Variants in KIFC3 observed in about 807,000 individuals in gnomAD.
The protein encoded by KIFC3 is kinesin-like protein KIFC3.
KIFC3 carries 60 observed loss-of-function variants against 101.8 expected under a neutral mutation model. The ratio of observed to expected loss-of-function variants is 0.59; its 90% CI spans 0.48 to 0.73. KIFC3 has a LOEUF of 0.73. Among genes scored for constraint, KIFC3 ranks in the 30% least tolerant of loss-of-function variants. The pLI, the probability that KIFC3 is intolerant of heterozygous loss-of-function variation, is 0.00. For missense variants in KIFC3, 966 were observed against 1,137.1 expected, an observed-to-expected ratio of 0.85 and a Z score of 2.16; for synonymous variants, 476 against 482.7, an observed-to-expected ratio of 0.99 and a Z score of 0.18.
In KIFC3 at chr16:57,771,593, C is replaced by A. The variant is rs2051217745; in HGVS notation, c.475G>T (p.Glu159Ter). The A allele has an allele frequency of 6.2e-7, 1 of 1,613,418 alleles. No individual in the cohort carries two copies. Among genetic ancestry groups the A allele is most frequent in the South Asian group, 1.1e-5 (1 of 91,092 alleles). ...GGACCTGCTGGCTTTGTGCGCAGCT[C>A]TTGCAGCTCGGCCTCACAGCGCCGC... Reference protein sequence around the residue: ...EMRRCEAELQELRTKPAGPCP... With the variant: ...EMRRCEAELQ The change falls in exon 5 of 20, where the codon GAG becomes TAG. Residue 159 changes from glutamate (E) to a stop codon, truncating the protein, a stop_gained. Coordinates refer to ENST00000445690, the MANE Select transcript of KIFC3 (RefSeq NM_001130100.2). LOFTEE classifies it high-confidence loss of function.
Position 57,760,734 on chromosome 16 carries a change from C to A in KIFC3, c.2224G>T (p.Val742Leu). The A allele has an allele frequency of 2.5e-6, 4 of 1,613,498 alleles. No homozygotes were observed. Among genetic ancestry groups the A allele is most frequent in the Non-Finnish European group, 3.4e-6 (4 of 1,179,788 alleles). Residue 742 changes from valine (V) to leucine (L), a missense_variant, in exon 16 of 20, where the codon GTG becomes TTG. By Grantham distance (32) the Val-to-Leu change is conservative. This residue lies in a region of KIFC3 where 689 missense variants were observed against 884.6 expected (regional missense o/e 0.78). Coordinates refer to ENST00000445690, the MANE Select transcript of KIFC3 (RefSeq NM_001130100.2). ...SLSGDSKTLM[V>L]VQVSPVEKNT... ...TAACCCAAGGTCCTCACCTGTACCACCATGAGGGTCTTGCTGTCACCACTA... is the reference window on the plus strand; with the variant it reads ...TAACCCAAGGTCCTCACCTGTACCAACATGAGGGTCTTGCTGTCACCACTA...
chr16:57,775,312 G>A (rs1470145046), intron 3 of KIFC3: 2 of 1,200,160 alleles, frequency 1.7e-6, no homozygotes, highest in East Asian at 7.5e-5. Flanking sequence ...CTTCTTGAGG[G>A]CAGCAAAGCA....
chr16:57,790,663 C>A (rs2053796614), intron 3 of KIFC3, among the ~76,000 whole-genome samples: 1 of 152,196 alleles, frequency 6.6e-6, no homozygotes, highest in Admixed American at 6.5e-5. Flanking sequence ...ACAGGACCGC[C>A]TCATTGAGCT....
Position 57,802,412 on chromosome 16 carries a change from G to GGGCTC in KIFC3, c.-87_-83dup. On this transcript the variant is annotated 5_prime_UTR_variant, in exon 1 of 20. Coordinates refer to ENST00000445690, the MANE Select transcript of KIFC3 (RefSeq NM_001130100.2). The surrounding 1 kb of genome is among the most constrained non-coding windows in gnomAD (Gnocchi z 5.0). The stretch of plus-strand genomic sequence containing the variant: ...GATCCAGGCGTCGCCGCAGCGCCCG[G>GGGCTC]GGCTCGGCCCGGCCCGGCCCGCCGG... 3.1e-6 allele frequency: 3 copies of GGGCTC among 983,090 alleles called. No individual in the cohort carries two copies. The highest frequency in any genetic ancestry group is 9.4e-5 in the South Asian group (2 of 21,354). The allele number at this position is 983,090 out of a possible 1,614,324, so 60.9% of individuals were successfully genotyped here. A position where few individuals can be genotyped will look rare whatever the true frequency, so the allele number is the denominator to read the frequency against.
At position 57,759,017 on chromosome 16, in the gene KIFC3, A is replaced by G. The variant is rs2049470893; in HGVS notation, c.*24+108T>C. The G allele has an allele frequency of 8.5e-6, 13 of 1,533,250 alleles. 1 individual carries two copies. The South Asian group carries it at 1.6e-4, about 18-fold the overall frequency. The allele number at this position is 1,533,250 out of a possible 1,614,324, so 95.0% of individuals were successfully genotyped here. ...CCCAGCAAAAGCACATAGACAAGCGACAGCAGGGGCTAGACCCAGCTCTGA... is the reference window on the plus strand; with the variant it reads ...CCCAGCAAAAGCACATAGACAAGCGGCAGCAGGGGCTAGACCCAGCTCTGA... On this transcript the variant is annotated intron_variant, in intron 19 of 19. Coordinates refer to ENST00000445690, the MANE Select transcript of KIFC3 (RefSeq NM_001130100.2).
rs782353066 is a variant in KIFC3, at chr16:57,764,185, A to G, written c.1575T>C (p.Phe525=). 6.2e-7 allele frequency: 1 copy of G among 1,613,118 alleles called. No individual in the cohort carries two copies. The highest frequency in any genetic ancestry group is 8.5e-7 in the Non-Finnish European group (1 of 1,179,922). The change falls in exon 12 of 20, where the codon TTT becomes TTC. Residue 525 remains phenylalanine (F), a synonymous_variant. Coordinates refer to ENST00000445690, the MANE Select transcript of KIFC3 (RefSeq NM_001130100.2). The part of the protein sequence containing the change: ...SCIDGFNVCI[F]AYGQTGAGKT... ...TGCCGGCGCCCGTCTGGCCGTACGC[A>G]AAGATGCAGACATTGAAGCCATCAA...
upstream of KIFC3, among the ~76,000 whole-genome samples, chr16:57,805,506 C>T (rs1306740743): frequency 6.6e-6 from 1 of 152,064 alleles, no homozygotes; most frequent in Admixed American, 6.6e-5. Context: ...ACCCTTCCTG[C>T]CGAACTCTGG....
chr16:57,851,172 G>A (rs1452806707), intron 1 of KIFC3, among the ~76,000 whole-genome samples: 5 of 151,982 alleles, frequency 3.3e-5, no homozygotes, highest in Non-Finnish European at 5.9e-5. Flanking sequence ...CACCACACCC[G>A]GCTAATGTTT....
At chr16:57,857,822 C>CTTTT (rs57102595) in intron 1 of KIFC3, among the ~76,000 whole-genome samples, 29 of 92,776 alleles carry the variant, frequency 3.1e-4, no homozygotes, top group Non-Finnish European at 4.1e-4. Flanking sequence ...TTCTTTCTTT[C>CTTTT]TTTTTTTTTT....
chr16:57,778,856 T>C (rs1308740543), intron 3 of KIFC3, among the ~76,000 whole-genome samples: 2 of 152,142 alleles, frequency 1.3e-5, no homozygotes, highest in Admixed American at 6.5e-5. Context: ...GCTATGACCA[T>C]GAACGGCCAC....
At chr16:57,796,099 G>GC (rs2054299213) in intron 2 of KIFC3, among the ~76,000 whole-genome samples, 1 of 151,906 alleles carries the variant, frequency 6.6e-6, no homozygotes, top group Non-Finnish European at 1.5e-5. Flanking sequence ...CACCATGTTG[G>GC]CCAGGCTGGT....
intron 4 of KIFC3, among the ~76,000 whole-genome samples, chr16:57,771,935 G>A (rs902430060): frequency 1.3e-5 from 2 of 152,232 alleles, no homozygotes; most frequent in African/African-American, 4.8e-5. Flanking sequence ...TGCTCTCCCT[G>A]CTGCCCCCAC....
At chr16:57,795,741 C>G (rs1555622500) in intron 2 of KIFC3, among the ~76,000 whole-genome samples, 1 of 152,084 alleles carries the variant, frequency 6.6e-6, no homozygotes, top group Non-Finnish European at 1.5e-5. Flanking sequence ...CAGGGCTGAA[C>G]AGGGTGGGAT....
intron 1 of KIFC3, among the ~76,000 whole-genome samples, chr16:57,857,380 C>G (rs746758383): frequency 1.5e-5 from 2 of 131,046 alleles, no homozygotes; most frequent in Non-Finnish European, 3.3e-5. Context: ...TCTCCCAGAA[C>G]CCCCTAAAAC....
At chr16:57,783,996 TTCCTC>T (rs1219845437) in intron 3 of KIFC3, among the ~76,000 whole-genome samples, 3 of 152,180 alleles carry the variant, frequency 2.0e-5, no homozygotes, top group African/African-American at 7.2e-5. Context: ...AGAGTACACT[TTCCTC>T]TGCTCTGTCC....
At chr16:57,823,672 A>G (rs1555630219) in intron 1 of KIFC3, among the ~76,000 whole-genome samples, 1 of 151,958 alleles carries the variant, frequency 6.6e-6, no homozygotes, top group Admixed American at 6.6e-5. Flanking sequence ...GGCTCACTGC[A>G]ACCTCCACCC....
intron 1 of KIFC3, among the ~76,000 whole-genome samples, chr16:57,822,505 T>A (rs2055371242): frequency 6.6e-6 from 1 of 152,150 alleles, no homozygotes; most frequent in Non-Finnish European, 1.5e-5. Context: ...GAGACCAGCC[T>A]GCCCAACATG....
At chr16:57,760,667 C>T (rs2049736844) in intron 16 of KIFC3, 59 bp downstream of exon 16, 4 of 1,461,600 alleles carry the variant, frequency 2.7e-6, no homozygotes, top group East Asian at 2.3e-5. Context: ...GACTGGGTCT[C>T]ACTGCTAGCG....
At chr16:57,808,793 T>C (rs1005697) in intron 1 of KIFC3, among the ~76,000 whole-genome samples, 139,788 of 152,198 alleles carry the variant, frequency 0.92, 64,853 homozygotes, top group Middle Eastern at 0.97. Context: ...CAGTCACTTC[T>C]GCTGTGCCTC....
Sources: gnomAD v4.1 joint callset for allele counts (sites outside exome capture counted in the v4.1 genomes callset) on GRCh38, gnomAD v4.1.1 for gene constraint, gnomAD v4.1.1 regional missense constraint, Gnocchi (gnomAD v3.1) non-coding constraint, MANE v1.5 for transcripts, NCBI Gene and HGNC (gene_info 2026-07-23, HGNC 2026-07-21) for gene names.